Variants in PEAK1 observed in about 807,000 individuals in gnomAD.
The protein encoded by PEAK1 is inactive tyrosine-protein kinase PEAK1.
In PEAK1, 54 loss-of-function variants were observed where a neutral mutation model predicts 124.7. The ratio of observed to expected loss-of-function variants is 0.43; its 90% CI spans 0.35 to 0.54. The LOEUF (loss-of-function observed/expected upper bound fraction) is 0.54, where lower values mean the gene tolerates loss of function less well. PEAK1 is among the 20% of genes least tolerant of loss of function. The pLI, the probability that PEAK1 is intolerant of heterozygous loss-of-function variation, is 0.01. For missense variants in PEAK1, 2,046 were observed against 2,134.5 expected (o/e 0.96, Z 0.82); for synonymous variants, 719 against 760.0 (o/e 0.95, Z 0.89).
At chr15:77,348,460 A>G (rs547873518) in intron 2 of PEAK1, 1 of 945,240 alleles carries the variant, frequency 1.1e-6, no homozygotes, top group South Asian at 4.9e-5. Flanking sequence ...AATAAATAAT[A>G]GGTTGTAAAA....
At chr15:77,200,165 C>T (rs552149491) in intron 6 of PEAK1, among the ~76,000 whole-genome samples, 1 of 152,198 alleles carries the variant, frequency 6.6e-6, no homozygotes, top group South Asian at 2.1e-4. Flanking sequence ...AACGTGAAGA[C>T]AAGATGAAGG....
At chr15:77,165,073 G>T (rs967531352) in intron 7 of PEAK1, among the ~76,000 whole-genome samples, 1 of 151,844 alleles carries the variant, frequency 6.6e-6, no homozygotes, top group Non-Finnish European at 1.5e-5. Context: ...GCTAAATTTT[G>T]TATTTTTAGT....
chr15:77,345,552 C>T (rs2066821789), intron 2 of PEAK1, among the ~76,000 whole-genome samples: 2 of 152,128 alleles, frequency 1.3e-5, no homozygotes. Flanking sequence ...CTGGGAATTA[C>T]ATCAGATAAA....
At chr15:77,361,864 A>AAT (rs1403794077) in intron 2 of PEAK1, among the ~76,000 whole-genome samples, 4 of 152,062 alleles carry the variant, frequency 2.6e-5, no homozygotes, top group Admixed American at 6.5e-5. Context: ...GAAAATCTGG[A>AAT]ATATATATAT....
intron 6 of PEAK1, among the ~76,000 whole-genome samples, chr15:77,209,215 T>A (rs759328036): frequency 2.0e-5 from 3 of 152,168 alleles, no homozygotes; most frequent in Non-Finnish European, 4.4e-5. Flanking sequence ...TTGTGACATA[T>A]AAGAGAGGAT....
At chr15:77,274,554 A>C (rs1035235694) in intron 5 of PEAK1, among the ~76,000 whole-genome samples, 14 of 152,160 alleles carry the variant, frequency 9.2e-5, no homozygotes, top group Non-Finnish European at 2.1e-4. Context: ...TCAAAACCAC[A>C]ATGAGATACT....
At chr15:77,371,480 T>C (rs2068636471) in intron 1 of PEAK1, 1 of 981,362 alleles carries the variant, frequency 1.0e-6, no homozygotes, top group South Asian at 4.7e-5. Flanking sequence ...AGATCTTTAT[T>C]GTAGCCTTTG....
rs186726761 is a variant in PEAK1, at chr15:77,335,800, C to T, written c.-603+29363G>A. The T allele has an allele frequency of 3.2e-4, 314 of 985,358 alleles. No homozygotes were observed. In the African/African-American group the frequency reaches 5.2e-3, roughly 16 times the overall value. The allele number at this position is 985,358 out of a possible 1,614,324, so 61.0% of individuals were successfully genotyped here. ...GTCACTGTACACAGCCCTCTCACTA[C>T]TTTTAATTAATCCATGCTTCTAGGT... is the stretch of plus-strand genomic sequence containing the variant. On this transcript the variant is annotated intron_variant, in intron 2 of 9. Transcript: ENST00000682557.
At chr15:77,314,673 C>T (rs2064760820) in intron 2 of PEAK1, among the ~76,000 whole-genome samples, 1 of 152,010 alleles carries the variant, frequency 6.6e-6, no homozygotes, top group Admixed American at 6.6e-5. Context: ...CTGCCTAAAA[C>T]GAATTTTCTA....
Position 77,209,486 on chromosome 15 carries a change from A to G in PEAK1, c.-114-27446T>C, listed in dbSNP as rs1171955666. On this transcript the variant is annotated intron_variant, in intron 6 of 9. Coordinates refer to ENST00000682557, the MANE Select transcript of PEAK1 (RefSeq NM_001385026.1). ...CTAGAGACATGAAAGCAATATACCTATATTAGCATCAGATGTGTAATGCTG... is the reference window on the plus strand; with the variant it reads ...CTAGAGACATGAAAGCAATATACCTGTATTAGCATCAGATGTGTAATGCTG... 2.0e-5 allele frequency among the ~76,000 whole-genome samples: 3 copies of G among 152,192 alleles called. No homozygotes were observed. The East Asian group carries it at 5.8e-4, about 29-fold the overall frequency.
At chr15:77,326,420 C>T (rs765846795) in intron 2 of PEAK1, among the ~76,000 whole-genome samples, 1 of 152,062 alleles carries the variant, frequency 6.6e-6, no homozygotes, top group Non-Finnish European at 1.5e-5. Flanking sequence ...TCCAAAGAAA[C>T]AGAAATGCCA....
intron 7 of PEAK1, among the ~76,000 whole-genome samples, chr15:77,169,939 T>C (rs978013348): frequency 6.6e-6 from 1 of 152,136 alleles, no homozygotes; most frequent in Non-Finnish European, 1.5e-5. Context: ...ATATGTTTCA[T>C]TTGAAGTGGA....
chr15:77,304,728 T>A (rs984545396), intron 2 of PEAK1, among the ~76,000 whole-genome samples: 16 of 152,156 alleles, frequency 1.1e-4, no homozygotes, highest in Admixed American at 1.0e-3. Context: ...ATTACAGGCA[T>A]AAGCCACCAC....
At chr15:77,350,976 C>T (rs1354338499) in intron 2 of PEAK1, 1 of 974,558 alleles carries the variant, frequency 1.0e-6, no homozygotes, top group Non-Finnish European at 1.2e-6. Context: ...CAATACACAT[C>T]TATTAAGCAC....
intron 1 of PEAK1, among the ~76,000 whole-genome samples, chr15:77,382,366 C>G (rs139271320): frequency 6.6e-6 from 1 of 152,342 alleles, no homozygotes; most frequent in Non-Finnish European, 1.5e-5. Flanking sequence ...GTCTATAGAT[C>G]CCCAGTCTTT....
At chr15:77,416,568 T>C (rs566170561) in intron 1 of PEAK1, among the ~76,000 whole-genome samples, 1 of 152,214 alleles carries the variant, frequency 6.6e-6, no homozygotes, top group Admixed American at 6.5e-5. Flanking sequence ...CCCCACTAAA[T>C]CCCCGCAACT....
intron 7 of PEAK1, among the ~76,000 whole-genome samples, chr15:77,169,836 T>G (rs1465448261): frequency 6.6e-6 from 1 of 152,178 alleles, no homozygotes; most frequent in African/African-American, 2.4e-5. Context: ...ATTTTCTGGC[T>G]TGAGCAACTG....
chr15:77,357,089 G>A (rs12905951), intron 2 of PEAK1, among the ~76,000 whole-genome samples: 99,717 of 152,002 alleles, frequency 0.66, 33,662 homozygotes, highest in Non-Finnish European at 0.75. Context: ...CAACGTAAGA[G>A]GACCCACTCT....
chr15:77,217,247 AG>A (rs1567127199), intron 6 of PEAK1, among the ~76,000 whole-genome samples: 2 of 134,644 alleles, frequency 1.5e-5, no homozygotes, highest in Admixed American at 7.6e-5. Context: ...AAAAAAAAAA[AG>A]GGCAGGTTGT....
Sources: gnomAD v4.1 joint callset for allele counts (sites outside exome capture counted in the v4.1 genomes callset) on GRCh38, gnomAD v4.1.1 for gene constraint, MANE v1.5 for transcripts, NCBI Gene and HGNC (gene_info 2026-07-23, HGNC 2026-07-21) for gene names.